The following MAP2K1 variants were observed in gnomAD, a reference collection of about 807,000 sequenced individuals.
The protein encoded by MAP2K1 is dual specificity mitogen-activated protein kinase kinase 1.
In MAP2K1, 16 loss-of-function variants were observed where a neutral mutation model predicts 46.3. The ratio of observed to expected loss-of-function variants is 0.35; its 90% CI spans 0.23 to 0.52. The LOEUF (loss-of-function observed/expected upper bound fraction) is 0.52. Ranked by LOEUF, MAP2K1 falls within the 20% of genes least tolerant of loss-of-function variation. MAP2K1 has a pLI of 0.94. For missense variants in MAP2K1, 263 were observed against 497.1 expected (o/e 0.53, Z 4.48); for synonymous variants, 183 against 185.6 (o/e 0.99, Z 0.11).
chr15:66,439,352 C>T (rs1377687821), intron 3 of MAP2K1, among the ~76,000 whole-genome samples: 9 of 152,196 alleles, frequency 5.9e-5, no homozygotes, highest in African/African-American at 2.2e-4. Flanking sequence ...TTTTCACAGG[C>T]TGGGCATGGT....
At chr15:66,415,107 A>G (rs978003266) in intron 1 of MAP2K1, 1 of 519,520 alleles carries the variant, frequency 1.9e-6, no homozygotes, top group Non-Finnish European at 3.8e-6. Context: ...TAGTGCCACT[A>G]TTGCTGAAGT....
At chr15:66,489,937 G>A (rs1893188402) in intron 10 of MAP2K1, 174 bp downstream of exon 10, 1 of 695,390 alleles carries the variant, frequency 1.4e-6, no homozygotes, top group Non-Finnish European at 2.6e-6. Context: ...ATCAGTTTAA[G>A]GGAAAGCTGG....
intron 1 of MAP2K1, among the ~76,000 whole-genome samples, chr15:66,427,626 G>C (rs959181603): frequency 2.0e-5 from 3 of 152,068 alleles, no homozygotes; most frequent in African/African-American, 7.3e-5. Context: ...CTAGATGAGT[G>C]TGGGTGAGCT....
chr15:66,491,503 TAATA>T lies in MAP2K1; in HGVS notation c.*893_*896del, dbSNP rs1308814759. ...GTTTAACAAATCTAATCTCTTATTC[TAATA>T]AATATACTATGAAATAAAAAAAAAA... On this transcript the variant is annotated 3_prime_UTR_variant, in exon 11 of 11. Coordinates refer to ENST00000307102, the MANE Select transcript of MAP2K1 (RefSeq NM_002755.4). 2.5e-5 allele frequency: 5 copies of T among 200,498 alleles called. No homozygotes were observed. The highest frequency in any genetic ancestry group is 1.8e-4 in the Admixed American group (3 of 16,750). The allele number at this position is 200,498 out of a possible 1,614,324, so 12.4% of individuals were successfully genotyped here. A position where few individuals can be genotyped will look rare whatever the true frequency, so the allele number is the denominator to read the frequency against.
In MAP2K1 at chr15:66,415,691, A is replaced by G. The variant is rs1463732126; in HGVS notation, c.81-19336A>G. 2.0e-5 allele frequency among the ~76,000 whole-genome samples: 3 copies of G among 152,234 alleles called. No homozygotes were observed. The East Asian group carries it at 5.8e-4, about 29-fold the overall frequency. ...CTAAGTTGCCAGACTCTTGGTTCCA[A>G]AATATAAAACTGATCTTGTCACTTT... is the stretch of plus-strand genomic sequence containing the variant. On this transcript the variant is annotated intron_variant, in intron 1 of 10. Transcript: ENST00000307102.
chr15:66,387,512 TG>T lies in MAP2K1; in HGVS notation c.80+87del, dbSNP rs71447901. 91,096 of 1,363,452 alleles carry T rather than the reference TG, an allele frequency of 0.067. 3,524 individuals are homozygous for T. The highest frequency in any genetic ancestry group is 0.12 in the Middle Eastern group (664 of 5,524). The allele number at this position is 1,363,452 out of a possible 1,614,324, so 84.5% of individuals were successfully genotyped here. A position where few individuals can be genotyped will look rare whatever the true frequency, so the allele number is the denominator to read the frequency against. On this transcript the variant is annotated intron_variant, in intron 1 of 10. Coordinates refer to ENST00000307102, the MANE Select transcript of MAP2K1 (RefSeq NM_002755.4). ...CAGGAGCGCGCGCCAGGCTCCGATC[TG>T]GTTTGTCACGTACGTCTGGGGCTGG...
rs1487885094 is a variant in MAP2K1 at position 66,469,089 on chromosome 15, C to G, written c.569-12666C>G. Among the ~76,000 whole-genome samples, 6 of 151,936 alleles carry G rather than the reference C, an allele frequency of 3.9e-5. No individual in the cohort carries two copies. In the South Asian group the frequency reaches 1.2e-3, roughly 32 times the overall value. Reference sequence around the variant, plus strand: ...TGGCCAACATGGTGAAACCCCGTCTCTACTAAAAATACAAAAATTAGCAAG... The same window carrying G: ...TGGCCAACATGGTGAAACCCCGTCTGTACTAAAAATACAAAAATTAGCAAG... On this transcript the variant is annotated intron_variant, in intron 5 of 10. Transcript: ENST00000307102.
At chr15:66,461,196 G>A (rs1025430466) in intron 5 of MAP2K1, among the ~76,000 whole-genome samples, 25 of 152,086 alleles carry the variant, frequency 1.6e-4, no homozygotes, top group African/African-American at 6.0e-4. Flanking sequence ...ACACCATAGA[G>A]GAACAAGAGT....
At chr15:66,399,539 C>T (rs924930859) in intron 1 of MAP2K1, among the ~76,000 whole-genome samples, 10 of 151,320 alleles carry the variant, frequency 6.6e-5, no homozygotes, top group East Asian at 1.9e-4. Context: ...GCAGCCTCAC[C>T]GTCTGGGCTC....
chr15:66,417,067 A>C (rs531300393), intron 1 of MAP2K1, among the ~76,000 whole-genome samples: 1 of 152,350 alleles, frequency 6.6e-6, no homozygotes, highest in African/African-American at 2.4e-5. Flanking sequence ...TAGTAGGACC[A>C]GATCCCACTG....
At chr15:66,442,165 G>C (rs973557051) in intron 3 of MAP2K1, among the ~76,000 whole-genome samples, 1 of 152,164 alleles carries the variant, frequency 6.6e-6, no homozygotes, top group Non-Finnish European at 1.5e-5. Context: ...TCTGCCTCCA[G>C]AGTCTTGTTT....
At chr15:66,487,941 C>T (rs1250196594) in intron 8 of MAP2K1, among the ~76,000 whole-genome samples, 1 of 152,182 alleles carries the variant, frequency 6.6e-6, no homozygotes, top group African/African-American at 2.4e-5. Flanking sequence ...ATTTCCCATG[C>T]AATTCTCCCA....
chr15:66,466,211 C>G (rs1375555247), intron 5 of MAP2K1, among the ~76,000 whole-genome samples: 6 of 152,216 alleles, frequency 3.9e-5, no homozygotes, highest in Non-Finnish European at 7.3e-5. Context: ...GTAAAACAAC[C>G]AGTTTCTCCA....
chr15:66,465,576 G>A (rs1424686514), intron 5 of MAP2K1, among the ~76,000 whole-genome samples: 4 of 152,100 alleles, frequency 2.6e-5, no homozygotes, highest in Non-Finnish European at 4.4e-5. Flanking sequence ...CCGCCTTTTA[G>A]TTTTTACTTC....
At chr15:66,478,422 GTA>G (rs201872215) in intron 5 of MAP2K1, among the ~76,000 whole-genome samples, 4 of 119,222 alleles carry the variant, frequency 3.4e-5, no homozygotes, top group Non-Finnish European at 7.5e-5. Flanking sequence ...ATACACACAG[GTA>G]TATATATATA....
chr15:66,408,342 G>A (rs1457175568), intron 1 of MAP2K1, among the ~76,000 whole-genome samples: 1 of 151,394 alleles, frequency 6.6e-6, no homozygotes, highest in Non-Finnish European at 1.5e-5. Flanking sequence ...AGGATGTGCA[G>A]GAAGCAAAAG....
Position 66,469,472 on chromosome 15 carries a change from CT to C in MAP2K1, c.569-12256del, listed in dbSNP as rs370379739. Among the ~76,000 whole-genome samples, 755 of 76,482 alleles carry C rather than the reference CT, an allele frequency of 9.9e-3. 1 individual carries two copies. Among genetic ancestry groups the C allele is most frequent in the African/African-American group, 0.035 (633 of 17,878 alleles). 50.2% of individuals were successfully genotyped at this position (76,482 alleles called of 152,430 possible). ...TCCCCCAAAGGGAGTCTGGTGCCTC[CT>C]TTTTTTTTTTTTTTTTTTTTTTTTT... On this transcript the variant is annotated intron_variant, in intron 5 of 10. Coordinates refer to ENST00000307102, the MANE Select transcript of MAP2K1 (RefSeq NM_002755.4).
chr15:66,471,157 A>G (rs779513732), intron 5 of MAP2K1, among the ~76,000 whole-genome samples: 1 of 152,064 alleles, frequency 6.6e-6, no homozygotes, highest in Non-Finnish European at 1.5e-5. Context: ...TTTTCCCTTT[A>G]GCTTAGTGAT....
chr15:66,437,031 T>TC, intron 3 of MAP2K1, 139 bp downstream of exon 3: 1 of 920,822 alleles, frequency 1.1e-6, no homozygotes, highest in Non-Finnish European at 1.8e-6. Context: ...ATCTGGGAAG[T>TC]CTAACTGTAG....
Sources: gnomAD v4.1 joint callset for allele counts (sites outside exome capture counted in the v4.1 genomes callset) on GRCh38, gnomAD v4.1.1 for gene constraint, MANE v1.5 for transcripts, NCBI Gene and HGNC (gene_info 2026-07-23, HGNC 2026-07-21) for gene names.